The following DENND1A variants were observed in gnomAD, a reference collection of about 807,000 sequenced individuals.
DENND1A encodes the protein DENN domain containing 1A.
A neutral mutation model predicts 113.7 loss-of-function variants in DENND1A; 51 were observed. The ratio of observed to expected loss-of-function variants is 0.45; its 90% confidence interval spans 0.36 to 0.57. DENND1A has a LOEUF of 0.57. DENND1A is among the 20% of genes least tolerant of loss of function. The pLI is 0.00. For synonymous variants in DENND1A, 565 were observed against 570.8 expected (o/e 0.99, Z 0.14); for missense variants, 1,258 against 1,395.9 (o/e 0.90, Z 1.57).
At position 123,906,159 on chromosome 9, in the gene DENND1A, C is replaced by T. The variant is rs1446067920; in HGVS notation, c.17+23730G>A. ...AAATAAAGATGTTCTTTGAAACCAA[C>T]GAGAACAAAGACACAACATACCAGA... On this transcript the variant is annotated intron_variant, in intron 1 of 23. Coordinates refer to ENST00000394215, the MANE Select transcript of DENND1A (RefSeq NM_001352964.2). Among the ~76,000 whole-genome samples, 374 of 150,580 alleles carry T rather than the reference C, an allele frequency of 2.5e-3. 2 individuals carry two copies. The highest frequency in any genetic ancestry group is 4.3e-3 in the Non-Finnish European group (292 of 67,688).
chr9:123,412,344 C>T (rs905834865), intron 19 of DENND1A, among the ~76,000 whole-genome samples: 26 of 152,362 alleles, frequency 1.7e-4, no homozygotes, highest in South Asian at 6.2e-4. Context: ...TGGGCTGCTC[C>T]GGCTGGACTG....
chr9:123,783,868 C>T (rs1431462619), intron 3 of DENND1A, among the ~76,000 whole-genome samples: 1 of 152,176 alleles, frequency 6.6e-6, no homozygotes, highest in African/African-American at 2.4e-5. Context: ...ACATTTGAAG[C>T]GTTCACAGAT....
chr9:123,433,092 T>C (rs1247641037), intron 19 of DENND1A, among the ~76,000 whole-genome samples: 2 of 152,360 alleles, frequency 1.3e-5, no homozygotes, highest in East Asian at 3.9e-4. Context: ...GGAAAGAGAC[T>C]GATATTTACC....
At chr9:123,450,879 C>A in intron 17 of DENND1A, 130 bp from the exon 18 acceptor site, 3 of 657,456 alleles carry the variant, frequency 4.6e-6, no homozygotes, top group Admixed American at 3.4e-5. Flanking sequence ...ATCATCAAGT[C>A]GAAAACATAA....
intron 20 of DENND1A, among the ~76,000 whole-genome samples, chr9:123,410,127 T>C (rs2044191879): frequency 6.6e-6 from 1 of 152,088 alleles, no homozygotes; most frequent in Admixed American, 6.6e-5. Flanking sequence ...ACTCTTACTG[T>C]GTGTGTTCTG....
At chr9:123,603,761 T>C (rs931395361) in intron 11 of DENND1A, among the ~76,000 whole-genome samples, 3 of 152,138 alleles carry the variant, frequency 2.0e-5, no homozygotes, top group African/African-American at 7.2e-5. Context: ...CTTGAAAACA[T>C]AGAAGAAAAG....
chr9:123,434,322 C>A (rs368559473), intron 19 of DENND1A, among the ~76,000 whole-genome samples: 3 of 152,210 alleles, frequency 2.0e-5, no homozygotes, highest in African/African-American at 7.2e-5. Flanking sequence ...CCACCATGCC[C>A]GGCCTCACTT....
rs546001517 is a variant in DENND1A at position 123,516,884 on chromosome 9, C to CAAAAAAAAA, written c.993+40677_993+40685dup. Among the ~76,000 whole-genome samples the CAAAAAAAAA allele has an allele frequency of 3.0e-3, 281 of 93,234 alleles. 4 individuals carry two copies. The highest frequency in any genetic ancestry group is 6.4e-3 in the African/African-American group (103 of 16,162). The allele number at this position is 93,234 out of a possible 152,430, so 61.2% of individuals were successfully genotyped here. ...CTGGTGACAGAGTGAGACTCTGTCTCAAAAAAAAAAAAAAAAAAAAAAAAA... is the reference window on the plus strand; with the variant it reads ...CTGGTGACAGAGTGAGACTCTGTCTCAAAAAAAAAAAAAAAAAAAAAAAAAAAAAAAAAA... On this transcript the variant is annotated intron_variant, in intron 13 of 23. Transcript: ENST00000394215.
rs80325854 is a variant in DENND1A at position 123,678,495 on chromosome 9, C to T, written c.303-1706G>A. On this transcript the variant is annotated intron_variant, in intron 5 of 23. Transcript: ENST00000394215. ...GTCTGCCCTGCTGTGCTAACAGAGT[C>T]CAATACCGACAGATATGGACACGAG... Among the ~76,000 whole-genome samples, 1,216 of 152,300 alleles carry T rather than the reference C, an allele frequency of 8.0e-3. 13 individuals are homozygous for T. The highest frequency in any genetic ancestry group is 0.014 in the Non-Finnish European group (968 of 68,032).
intron 2 of DENND1A, among the ~76,000 whole-genome samples, chr9:123,847,941 T>TA (rs1350350261): frequency 2.0e-5 from 3 of 151,334 alleles, no homozygotes; most frequent in African/African-American, 4.9e-5. Context: ...CTCAAAAAAA[T>TA]AAAAAACAAA....
intron 13 of DENND1A, among the ~76,000 whole-genome samples, chr9:123,489,951 T>A (rs981246296): frequency 3.9e-5 from 6 of 152,146 alleles, no homozygotes; most frequent in Non-Finnish European, 5.9e-5. Context: ...CAGAAAACGC[T>A]GATAAAATCT....
intron 3 of DENND1A, among the ~76,000 whole-genome samples, chr9:123,781,037 T>C (rs1831231365): frequency 6.6e-6 from 1 of 152,182 alleles, no homozygotes; most frequent in Non-Finnish European, 1.5e-5. Context: ...ATTGAGAATC[T>C]TGATTAGCAT....
At chr9:123,910,163 T>C (rs139298083) in intron 1 of DENND1A, among the ~76,000 whole-genome samples, 2 of 152,322 alleles carry the variant, frequency 1.3e-5, no homozygotes, top group African/African-American at 4.8e-5. Flanking sequence ...TTATAAAATG[T>C]ATATGGTCAT....
chr9:123,908,761 T>C (rs995987947), intron 1 of DENND1A, among the ~76,000 whole-genome samples: 15 of 152,068 alleles, frequency 9.9e-5, no homozygotes, highest in African/African-American at 3.6e-4. Flanking sequence ...GACTGTAAAC[T>C]AGTTCAACCA....
At chr9:123,728,289 C>G (rs1037543594) in intron 5 of DENND1A, among the ~76,000 whole-genome samples, 1 of 151,340 alleles carries the variant, frequency 6.6e-6, no homozygotes, top group African/African-American at 2.4e-5. Flanking sequence ...ACTAGTCTGA[C>G]CAACATGGAG....
At position 123,929,899 on chromosome 9, in the gene DENND1A, A is replaced by G; in HGVS notation, c.7T>C (p.Ser3Pro). 3.0e-6 allele frequency: 1 copy of G among 332,038 alleles called. No homozygotes were observed. The highest frequency in any genetic ancestry group is 6.6e-5 in the East Asian group (1 of 15,258). 20.6% of individuals were successfully genotyped at this position (332,038 alleles called of 1,614,324 possible). The part of the protein sequence containing the change: MG[S>P]RIKQNPETTF... Reference sequence around the variant, plus strand: ...CCCGGCCGCACTCACTTGATCCTGGAGCCCATGGTCCCCAGGCCTCCTCAT... The same window carrying G: ...CCCGGCCGCACTCACTTGATCCTGGGGCCCATGGTCCCCAGGCCTCCTCAT... The change falls in exon 1 of 24, where the codon TCC becomes CCC. Residue 3 changes from serine (S) to proline (P), a missense_variant. Ser to Pro is a moderately conservative substitution (Grantham distance 74). Transcript: ENST00000394215.
chr9:123,790,151 A>G (rs1285342637), intron 3 of DENND1A, among the ~76,000 whole-genome samples: 3 of 152,190 alleles, frequency 2.0e-5, no homozygotes, highest in African/African-American at 7.2e-5. Flanking sequence ...TGTAATAGAA[A>G]TATTTCTAAG....
chr9:123,817,869 A>T (rs1312697703), intron 2 of DENND1A, among the ~76,000 whole-genome samples: 1 of 151,820 alleles, frequency 6.6e-6, no homozygotes, highest in Non-Finnish European at 1.5e-5. Flanking sequence ...TATACTAAAA[A>T]TACAAAAATT....
At chr9:123,486,880 C>A (rs1315669790) in intron 13 of DENND1A, among the ~76,000 whole-genome samples, 3 of 152,208 alleles carry the variant, frequency 2.0e-5, no homozygotes, top group East Asian at 1.9e-4. Context: ...ATCCTGCCAA[C>A]CCCCTGCCCA....
Sources: allele counts gnomAD v4.1 joint callset (sites outside exome capture counted in the v4.1 genomes callset), GRCh38; gene constraint gnomAD v4.1.1; transcripts MANE v1.5; gene names NCBI Gene and HGNC (gene_info 2026-07-23, HGNC 2026-07-21).